The following NR2F1-AS1 variants were observed in gnomAD, a reference collection of about 807,000 sequenced individuals.
NR2F1-AS1 encodes NR2F1 antisense RNA 1.
chr5:93,516,569 T>C (rs915402450), intron 4 of NR2F1-AS1, among the ~76,000 whole-genome samples: 4 of 151,888 alleles, frequency 2.6e-5, no homozygotes, highest in South Asian at 2.1e-4. Flanking sequence ...CTATAAGTTA[T>C]ATAAGTAAGT....
chr5:93,571,226 A>G (rs1580344327), intron 1 of NR2F1-AS1: 2 of 152,018 alleles, frequency 1.3e-5, no homozygotes, highest in African/African-American at 4.8e-5. Flanking sequence ...CGGGGGACCT[A>G]GCGCCAGGTC....
chr5:93,424,964 CTT>C (rs1404822949), intron 4 of NR2F1-AS1, among the ~76,000 whole-genome samples: 1 of 152,182 alleles, frequency 6.6e-6, no homozygotes, highest in Non-Finnish European at 1.5e-5. Flanking sequence ...TATCAGATAT[CTT>C]AAACTCCTTA....
intron 2 of NR2F1-AS1, among the ~76,000 whole-genome samples, chr5:93,561,964 G>A (rs991947328): frequency 4.6e-5 from 7 of 151,836 alleles, no homozygotes; most frequent in Non-Finnish European, 1.5e-5. Flanking sequence ...TTATTTGCAA[G>A]GAGATAACTA....
intron 4 of NR2F1-AS1, among the ~76,000 whole-genome samples, chr5:93,494,357 A>G (rs749646198): frequency 1.1e-4 from 16 of 152,320 alleles, no homozygotes; most frequent in Non-Finnish European, 8.8e-5. Flanking sequence ...AGAGCCAGCC[A>G]TAGTGGCTCA....
intron 4 of NR2F1-AS1, among the ~76,000 whole-genome samples, chr5:93,448,629 A>G (rs1401639328): frequency 6.6e-6 from 1 of 152,244 alleles, no homozygotes; most frequent in Non-Finnish European, 1.5e-5. Flanking sequence ...ACAAGTCCCA[A>G]CATCTGCTGC....
chr5:93,409,983 C>G (rs1375433860), intron 4 of NR2F1-AS1: 2 of 152,168 alleles, frequency 1.3e-5, no homozygotes, highest in Non-Finnish European at 2.9e-5. Flanking sequence ...TTCAGATGGA[C>G]ACTCCTCAAG....
At chr5:93,565,473 A>C (rs1173044643) in intron 1 of NR2F1-AS1, among the ~76,000 whole-genome samples, 1 of 152,146 alleles carries the variant, frequency 6.6e-6, no homozygotes, top group Non-Finnish European at 1.5e-5. Context: ...AAAGTAACTA[A>C]GTAGCAAAAA....
intron 4 of NR2F1-AS1, among the ~76,000 whole-genome samples, chr5:93,454,025 T>A (rs920672945): frequency 1.3e-5 from 2 of 152,182 alleles, no homozygotes; most frequent in African/African-American, 4.8e-5. Flanking sequence ...GCCTATAATC[T>A]CAGCACTTTG....
intron 1 of NR2F1-AS1, among the ~76,000 whole-genome samples, chr5:93,565,797 C>T (rs956747023): frequency 6.6e-6 from 1 of 151,212 alleles, no homozygotes; most frequent in Non-Finnish European, 1.5e-5. Context: ...CACTGTGTCC[C>T]CCAACATAAG....
At chr5:93,572,180 C>T (rs1305752419) in intron 1 of NR2F1-AS1, among the ~76,000 whole-genome samples, 1 of 152,222 alleles carries the variant, frequency 6.6e-6, no homozygotes, top group African/African-American at 2.4e-5. Context: ...CTGTGCGTTT[C>T]GGAGCGGTTT....
At chr5:93,411,576 G>A (rs1246807112) in intron 4 of NR2F1-AS1, 1 of 152,100 alleles carries the variant, frequency 6.6e-6, no homozygotes, top group East Asian at 1.9e-4. Context: ...GAAGTACAAA[G>A]GTTAGCTTTT....
intron 4 of NR2F1-AS1, among the ~76,000 whole-genome samples, chr5:93,493,835 G>GA (rs769419812): frequency 1.1e-3 from 157 of 149,512 alleles, no homozygotes; most frequent in Middle Eastern, 0.01. Context: ...CTTATTAAAA[G>GA]AAAAAAAAAC....
At chr5:93,555,991 G>A (rs1752345126) in intron 2 of NR2F1-AS1, among the ~76,000 whole-genome samples, 1 of 151,992 alleles carries the variant, frequency 6.6e-6, no homozygotes, top group Non-Finnish European at 1.5e-5. Context: ...GCTAAAACTT[G>A]CATTAACCCT....
At chr5:93,499,349 T>A (rs543188909) in intron 4 of NR2F1-AS1, among the ~76,000 whole-genome samples, 2 of 152,288 alleles carry the variant, frequency 1.3e-5, no homozygotes, top group African/African-American at 4.8e-5. Flanking sequence ...CCTGCATCGA[T>A]CAAGTCTATC....
chr5:93,498,378 TTAC>T (rs1254601338), intron 4 of NR2F1-AS1, among the ~76,000 whole-genome samples: 2 of 152,082 alleles, frequency 1.3e-5, no homozygotes, highest in African/African-American at 2.4e-5. Context: ...AGGAATAAAA[TTAC>T]TATCAGTTTT....
intron 1 of NR2F1-AS1, among the ~76,000 whole-genome samples, chr5:93,566,110 T>C (rs1357881362): frequency 6.6e-6 from 1 of 151,940 alleles, no homozygotes; most frequent in Non-Finnish European, 1.5e-5. Flanking sequence ...AATATCTACA[T>C]AGAACCTATG....
intron 4 of NR2F1-AS1, among the ~76,000 whole-genome samples, chr5:93,540,757 A>C (rs1261711276): frequency 1.3e-5 from 2 of 152,202 alleles, no homozygotes; most frequent in Non-Finnish European, 2.9e-5. Flanking sequence ...ACACACACAA[A>C]AAAACACACA....
chr5:93,540,890 G>A (rs919829231), intron 4 of NR2F1-AS1, among the ~76,000 whole-genome samples: 5 of 152,174 alleles, frequency 3.3e-5, no homozygotes, highest in Admixed American at 6.5e-5. Context: ...GTTCTACTGT[G>A]CAAGTACATG....
chr5:93,563,729 T>C (rs1025525952), intron 1 of NR2F1-AS1, among the ~76,000 whole-genome samples: 1 of 151,862 alleles, frequency 6.6e-6, no homozygotes, highest in Admixed American at 6.6e-5. Flanking sequence ...GAAATTTTCC[T>C]ATTAGAAGCT....
Sources: gnomAD v4.1 joint callset for allele counts (sites outside exome capture counted in the v4.1 genomes callset) on GRCh38, gnomAD v4.1.1 for gene constraint, MANE v1.5 for transcripts, NCBI Gene and HGNC (gene_info 2026-07-23, HGNC 2026-07-21) for gene names.